The following TENM2 variants were observed in gnomAD, a reference collection of about 807,000 sequenced individuals.
The protein encoded by TENM2 is teneurin-2.
In TENM2, 52 loss-of-function variants were observed where a neutral mutation model predicts 245.2. The observed-to-expected ratio is 0.21, with a 90% CI of 0.17 to 0.27. The LOEUF is 0.27. Ranked by LOEUF, TENM2 falls within the 10% of genes least tolerant of loss-of-function variation. TENM2 has a pLI of 1.00. For missense variants in TENM2, 3,046 were observed against 3,666.8 expected (o/e 0.83, Z 4.37); for synonymous variants, 1,363 against 1,438.9 (o/e 0.95, Z 1.19).
intron 3 of TENM2, among the ~76,000 whole-genome samples, chr5:167,939,290 C>T (rs150203107): frequency 1.1e-3 from 170 of 152,272 alleles, no homozygotes; most frequent in Admixed American, 2.7e-3. Flanking sequence ...AGAACGTTCA[C>T]GTGTGCAGTT....
intron 7 of TENM2, among the ~76,000 whole-genome samples, chr5:168,084,937 C>A (rs1410053972): frequency 6.6e-6 from 1 of 152,188 alleles, no homozygotes; most frequent in Non-Finnish European, 1.5e-5. Flanking sequence ...TTGTGAGGGG[C>A]CTTAACAAAC....
the TENM2 span, among the ~76,000 whole-genome samples, chr5:167,127,033 A>G: frequency 1.3e-5 from 2 of 150,642 alleles, no homozygotes; most frequent in East Asian, 3.9e-4. Context: ...ACCTGCCTTT[A>G]TACTTCCTTG....
intron 2 of TENM2, among the ~76,000 whole-genome samples, chr5:167,565,327 C>T (rs1176538983): frequency 6.6e-6 from 1 of 152,172 alleles, no homozygotes; most frequent in East Asian, 1.9e-4. Context: ...TAGCAATTCA[C>T]TTAGTGCCGT....
chr5:167,219,549 G>A, the TENM2 span, among the ~76,000 whole-genome samples: 1 of 152,180 alleles, frequency 6.6e-6, no homozygotes, highest in Admixed American at 6.5e-5. Context: ...ATTAGGGAGG[G>A]ATGTTAATGG....
At chr5:167,382,035 G>T (rs1761123172) in intron 2 of TENM2, among the ~76,000 whole-genome samples, 1 of 152,162 alleles carries the variant, frequency 6.6e-6, no homozygotes, top group Non-Finnish European at 1.5e-5. Flanking sequence ...TTCCGAAGTA[G>T]TAGATGCCCT....
At chr5:167,650,958 T>C (rs1286796342) in intron 2 of TENM2, among the ~76,000 whole-genome samples, 2 of 152,166 alleles carry the variant, frequency 1.3e-5, no homozygotes, top group Non-Finnish European at 2.9e-5. Flanking sequence ...TCACAACTTC[T>C]ACATATGTCT....
At chr5:167,914,900 C>T (rs773261492) in intron 3 of TENM2, among the ~76,000 whole-genome samples, 3 of 152,164 alleles carry the variant, frequency 2.0e-5, no homozygotes, top group Non-Finnish European at 4.4e-5. Context: ...TTTTGGATTA[C>T]GAGTCCACTT....
chr5:167,054,378 T>C, the TENM2 span, among the ~76,000 whole-genome samples: 2 of 152,166 alleles, frequency 1.3e-5, no homozygotes, highest in African/African-American at 2.4e-5. Flanking sequence ...TCATTTCTTT[T>C]TAGTGCTGAA....
rs1247915997 is a variant in TENM2, at chr5:168,184,550, A to G, written c.2570-5787A>G. Among the ~76,000 whole-genome samples, 3 of 152,182 alleles carry G rather than the reference A, an allele frequency of 2.0e-5. No homozygotes were observed. The East Asian group carries it at 5.8e-4, about 29-fold the overall frequency. On this transcript the variant is annotated intron_variant, in intron 13 of 28. Coordinates refer to ENST00000518659, the Ensembl canonical transcript of TENM2. ...AAGTTGAACAAAATGCTTCCATTCAAATTCTCTATAAGCTGCCCAGAAGAT... is the reference window on the plus strand; with the variant it reads ...AAGTTGAACAAAATGCTTCCATTCAGATTCTCTATAAGCTGCCCAGAAGAT...
intron 2 of TENM2, among the ~76,000 whole-genome samples, chr5:167,559,678 G>A (rs1454887439): frequency 6.6e-6 from 1 of 152,114 alleles, no homozygotes; most frequent in African/African-American, 2.4e-5. Flanking sequence ...CTCAGTGCCT[G>A]TAGGGGTGGG....
rs191055638 is a variant in TENM2, at chr5:168,087,959, G to A, written c.1516-2615G>A. Among the ~76,000 whole-genome samples the A allele has an allele frequency of 3.1e-3, 467 of 152,222 alleles. 2 individuals are homozygous for A. Among genetic ancestry groups the A allele is most frequent in the African/African-American group, 0.011 (449 of 41,532 alleles). On this transcript the variant is annotated intron_variant, in intron 7 of 28. Coordinates refer to ENST00000518659, the Ensembl canonical transcript of TENM2. Reference sequence around the variant, plus strand: ...TGCCCTCTGTGCTTCTGTGCAGGGGGACTCTGAGGAGCCAGCCAAAATAGA... The same window carrying A: ...TGCCCTCTGTGCTTCTGTGCAGGGGAACTCTGAGGAGCCAGCCAAAATAGA...
At chr5:167,462,682 TCTCTGCTGCACCA>T (rs1209423063) in intron 2 of TENM2, among the ~76,000 whole-genome samples, 1 of 151,874 alleles carries the variant, frequency 6.6e-6, no homozygotes. Flanking sequence ...CTACTGTCCT[TCTCTGCTGCACCA>T]CTCTGCTGCT....
intron 2 of TENM2, among the ~76,000 whole-genome samples, chr5:167,856,011 G>T (rs902109054): frequency 1.3e-5 from 2 of 152,140 alleles, no homozygotes; most frequent in Non-Finnish European, 2.9e-5. Context: ...TTTCATGGCT[G>T]GTCTAGGAAC....
Position 167,905,921 on chromosome 5 carries a change from T to C in TENM2, c.712+29726T>C, listed in dbSNP as rs542196224. ...CTAATGCGACAGGGAACATTAAGCA[T>C]AATTAGTGTTTTTTAAAAAAAGGAA... is the stretch of plus-strand genomic sequence containing the variant. On this transcript the variant is annotated intron_variant, in intron 3 of 28. Coordinates refer to ENST00000518659, the Ensembl canonical transcript of TENM2. Among the ~76,000 whole-genome samples, 23 of 152,310 alleles carry C rather than the reference T, an allele frequency of 1.5e-4. No homozygotes were observed. In the East Asian group the frequency reaches 4.4e-3, roughly 29 times the overall value.
chr5:167,810,027 GATCTTT>G (rs1428097823), intron 2 of TENM2, among the ~76,000 whole-genome samples: 2 of 152,046 alleles, frequency 1.3e-5, no homozygotes, highest in East Asian at 3.9e-4. Flanking sequence ...GCCAAGGTTA[GATCTTT>G]AAGGAAATAA....
intron 2 of TENM2, among the ~76,000 whole-genome samples, chr5:167,672,782 G>C (rs973510319): frequency 1.4e-4 from 21 of 151,874 alleles, no homozygotes; most frequent in African/African-American, 5.1e-4. Flanking sequence ...TTTGACAAAA[G>C]ATTGACCCAA....
At chr5:167,852,880 T>C (rs1770712012) in intron 2 of TENM2, among the ~76,000 whole-genome samples, 1 of 152,194 alleles carries the variant, frequency 6.6e-6, no homozygotes, top group African/African-American at 2.4e-5. Context: ...CACAAAGTGA[T>C]AGAAGAAAGT....
At chr5:168,248,234 T>C in exon 27 of TENM2, 1 of 1,614,048 alleles carries the variant, frequency 6.2e-7, no homozygotes, top group Admixed American at 1.7e-5. Flanking sequence ...GATTATGATG[T>C]GCTGGCAGGA....
chr5:168,002,226 G>C (rs531471170), intron 5 of TENM2, among the ~76,000 whole-genome samples: 1 of 152,262 alleles, frequency 6.6e-6, no homozygotes, highest in South Asian at 2.1e-4. Context: ...CCCTTCCCTT[G>C]GGATGGGTTT....
Sources: allele counts gnomAD v4.1 joint callset (sites outside exome capture counted in the v4.1 genomes callset), GRCh38; gene constraint gnomAD v4.1.1; transcripts MANE v1.5; gene names NCBI Gene and HGNC (gene_info 2026-07-23, HGNC 2026-07-21).